Variants in DTWD2 observed in about 807,000 individuals in gnomAD.
DTWD2 encodes DTW motif tRNA-uridine aminocarboxypropyltransferase 2.
DTWD2 carries 39 observed loss-of-function variants against 31.8 expected under a neutral mutation model. The ratio of observed to expected loss-of-function variants is 1.22; its 90% CI spans 0.95 to 1.60. The LOEUF is 1.60. Ranked by LOEUF, DTWD2 falls within the 40% of genes most tolerant of loss-of-function variation. The pLI is 0.00. For synonymous variants in DTWD2, 180 were observed against 142.8 expected (o/e 1.26, Z -1.86); for missense variants, 515 against 381.5 (o/e 1.35, Z -2.92).
intron 1 of DTWD2, among the ~76,000 whole-genome samples, chr5:118,975,145 T>C (rs1466069986): frequency 6.6e-6 from 1 of 152,248 alleles, no homozygotes; most frequent in Non-Finnish European, 1.5e-5. Flanking sequence ...ATTCTCCCCA[T>C]CACTTTCACG....
At chr5:118,848,584 C>T (rs1751915950) in intron 4 of DTWD2, among the ~76,000 whole-genome samples, 1 of 152,018 alleles carries the variant, frequency 6.6e-6, no homozygotes, top group African/African-American at 2.4e-5. Flanking sequence ...TCACACTCAA[C>T]AGAGTAGCTA....
intron 4 of DTWD2, among the ~76,000 whole-genome samples, chr5:118,909,239 C>A (rs1753404752): frequency 6.6e-6 from 1 of 152,184 alleles, no homozygotes; most frequent in South Asian, 2.1e-4. Context: ...GCCTTCTCAG[C>A]AAAAGACTCT....
intron 4 of DTWD2, among the ~76,000 whole-genome samples, chr5:118,879,422 C>T (rs112262094): frequency 3.3e-5 from 5 of 151,952 alleles, no homozygotes; most frequent in African/African-American, 1.2e-4. Flanking sequence ...AGCAGCCTGG[C>T]CAGCACGGTG....
In DTWD2 at chr5:118,868,381, C is replaced by T. The variant is rs115780140; in HGVS notation, c.598-20163G>A. On this transcript the variant is annotated intron_variant, in intron 4 of 5. Coordinates refer to ENST00000510708, the MANE Select transcript of DTWD2 (RefSeq NM_173666.4). Reference sequence around the variant, plus strand: ...TTGCTTTCTTGGATATGACACCAAACGTACCGGCAACAACAACAAAAAAAT... The same window carrying T: ...TTGCTTTCTTGGATATGACACCAAATGTACCGGCAACAACAACAAAAAAAT... Among the ~76,000 whole-genome samples the T allele has an allele frequency of 4.4e-3, 672 of 152,172 alleles. 8 individuals are homozygous for T. The highest frequency in any genetic ancestry group is 0.015 in the African/African-American group (629 of 41,516).
At position 118,928,525 on chromosome 5, in the gene DTWD2, T is replaced by C; in HGVS notation, c.597+12A>G. On this transcript the variant is annotated intron_variant, in intron 4 of 5. Transcript: ENST00000510708. ...TATTTATATTTATTCTCTGTTAAAA[T>C]TACTAGTTTACCTGTTTGGGATGTC... 1.4e-6 allele frequency: 2 copies of C among 1,465,192 alleles called. No individual in the cohort carries two copies. The highest frequency in any genetic ancestry group is 1.8e-6 in the Non-Finnish European group (2 of 1,108,538). 90.8% of individuals were successfully genotyped at this position (1,465,192 alleles called of 1,614,324 possible).
chr5:118,881,731 G>C (rs986436353), intron 4 of DTWD2, among the ~76,000 whole-genome samples: 2 of 152,100 alleles, frequency 1.3e-5, no homozygotes, highest in African/African-American at 4.8e-5. Flanking sequence ...GAGCACAATA[G>C]AAAACTGCCA....
At chr5:118,859,500 A>G (rs1465385609) in intron 4 of DTWD2, among the ~76,000 whole-genome samples, 2 of 152,200 alleles carry the variant, frequency 1.3e-5, no homozygotes, top group Admixed American at 1.3e-4. Context: ...AGATACTCAA[A>G]TTATCCCATC....
intron 1 of DTWD2, 175 bp downstream of exon 1, chr5:118,988,119 G>T: frequency 1.3e-6 from 1 of 779,926 alleles, no homozygotes; most frequent in South Asian, 1.5e-5. Context: ...CCTGGAAAAA[G>T]GGCTTCTTAC....
intron 1 of DTWD2, among the ~76,000 whole-genome samples, chr5:118,962,975 T>C (rs1261756190): frequency 6.6e-6 from 1 of 152,222 alleles, no homozygotes; most frequent in African/African-American, 2.4e-5. Flanking sequence ...TATCCAGCTG[T>C]CCTAGAACCC....
intron 4 of DTWD2, among the ~76,000 whole-genome samples, chr5:118,916,424 G>A (rs1753578589): frequency 6.6e-6 from 1 of 152,160 alleles, no homozygotes; most frequent in Non-Finnish European, 1.5e-5. Context: ...CCAGCACTTT[G>A]GGAGGCCAAG....
chr5:118,873,146 C>A (rs1361934279), intron 4 of DTWD2, among the ~76,000 whole-genome samples: 1 of 152,188 alleles, frequency 6.6e-6, no homozygotes, highest in Non-Finnish European at 1.5e-5. Flanking sequence ...ACTGAGGTAG[C>A]AGGAAAAGCT....
chr5:118,913,276 A>C (rs1208074652), intron 4 of DTWD2, among the ~76,000 whole-genome samples: 1 of 151,796 alleles, frequency 6.6e-6, no homozygotes, highest in Admixed American at 6.6e-5. Flanking sequence ...CTTCAACACG[A>C]AGGACTTCTG....
At chr5:118,941,675 T>C (rs10079150) in intron 2 of DTWD2, among the ~76,000 whole-genome samples, 10 of 152,212 alleles carry the variant, frequency 6.6e-5, no homozygotes, top group Non-Finnish European at 1.2e-4. Flanking sequence ...ATGATTTATA[T>C]TCCTTTGGGT....
intron 4 of DTWD2, among the ~76,000 whole-genome samples, chr5:118,879,317 A>C (rs1465724244): frequency 6.6e-6 from 1 of 152,196 alleles, no homozygotes; most frequent in East Asian, 1.9e-4. Context: ...ATTAAAAAGA[A>C]CAAGATGGGC....
At chr5:118,912,718 T>G (rs754533830) in intron 4 of DTWD2, among the ~76,000 whole-genome samples, 1 of 152,224 alleles carries the variant, frequency 6.6e-6, no homozygotes, top group Non-Finnish European at 1.5e-5. Context: ...GAAATATATA[T>G]GGCAATATTT....
chr5:118,849,868 G>T (rs1751957071), intron 4 of DTWD2, among the ~76,000 whole-genome samples: 2 of 152,008 alleles, frequency 1.3e-5, no homozygotes, highest in South Asian at 4.1e-4. Context: ...ACACACCAGG[G>T]CCTGTTGGGG....
At chr5:118,866,902 G>T (rs1752392814) in intron 4 of DTWD2, among the ~76,000 whole-genome samples, 1 of 151,552 alleles carries the variant, frequency 6.6e-6, no homozygotes, top group South Asian at 2.1e-4. Context: ...GGGTGACAGA[G>T]TGAGACTCTG....
intron 4 of DTWD2, among the ~76,000 whole-genome samples, chr5:118,904,858 T>C (rs1048100589): frequency 2.6e-5 from 4 of 152,100 alleles, no homozygotes; most frequent in African/African-American, 9.7e-5. Context: ...AACAAAGGCT[T>C]TGTGAGAGTG....
chr5:118,924,121 C>A (rs1193020090), intron 4 of DTWD2, among the ~76,000 whole-genome samples: 1 of 152,138 alleles, frequency 6.6e-6, no homozygotes, highest in Admixed American at 6.5e-5. Flanking sequence ...GAGGGCAGAC[C>A]AACAGACAGG....
Sources: gnomAD v4.1 joint callset for allele counts (sites outside exome capture counted in the v4.1 genomes callset) on GRCh38, gnomAD v4.1.1 for gene constraint, MANE v1.5 for transcripts, NCBI Gene and HGNC (gene_info 2026-07-23, HGNC 2026-07-21) for gene names.